Variants in NKAIN2 observed in about 807,000 individuals in gnomAD.
NKAIN2 encodes sodium/potassium-transporting ATPase subunit beta-1-interacting protein 2.
A neutral mutation model predicts 32.6 loss-of-function variants in NKAIN2; 14 were observed. That is an observed-to-expected ratio of 0.43 (90% CI 0.28 to 0.67). NKAIN2 has a LOEUF of 0.67. NKAIN2 is among the 30% of genes least tolerant of loss of function. NKAIN2 has a pLI of 0.17. For missense variants in NKAIN2, 198 were observed against 258.3 expected, an observed-to-expected ratio of 0.77 and a Z score of 1.60; for synonymous variants, 80 against 87.2, an observed-to-expected ratio of 0.92 and a Z score of 0.46.
At chr6:123,851,398 C>T (rs905722265) in intron 1 of NKAIN2, among the ~76,000 whole-genome samples, 9 of 151,666 alleles carry the variant, frequency 5.9e-5, no homozygotes, top group Non-Finnish European at 8.8e-5. Flanking sequence ...TACAGGCATG[C>T]GCCACCATGC....
At chr6:124,125,209 T>C (rs974649199) in intron 1 of NKAIN2, among the ~76,000 whole-genome samples, 5 of 152,176 alleles carry the variant, frequency 3.3e-5, no homozygotes, top group Non-Finnish European at 2.9e-5. Flanking sequence ...TACAATAGCT[T>C]TTCAGGATTC....
rs1053229232 is a variant in NKAIN2 at position 124,350,095 on chromosome 6, A to G, written c.193-5172A>G. On this transcript the variant is annotated intron_variant, in intron 2 of 6. Coordinates refer to ENST00000368417, the MANE Select transcript of NKAIN2 (RefSeq NM_001040214.3). ...ATTAGTTTTATAGCAGAAAACTACA[A>G]GTTAGGTGGTATCTAGCAATTGTGA... is the stretch of plus-strand genomic sequence containing the variant. Among the ~76,000 whole-genome samples, 3 of 152,214 alleles carry G rather than the reference A, an allele frequency of 2.0e-5. No homozygotes were observed. In the South Asian group the frequency reaches 6.2e-4, roughly 31 times the overall value.
At chr6:124,528,141 T>C (rs1247174686) in intron 3 of NKAIN2, among the ~76,000 whole-genome samples, 1 of 152,164 alleles carries the variant, frequency 6.6e-6, no homozygotes, top group African/African-American at 2.4e-5. Context: ...GTGGGATCCA[T>C]TTAAGAGGCT....
chr6:124,505,083 A>G (rs1006836321), intron 3 of NKAIN2, among the ~76,000 whole-genome samples: 11 of 152,228 alleles, frequency 7.2e-5, no homozygotes, highest in Non-Finnish European at 1.6e-4. Flanking sequence ...CCTAAACCCT[A>G]TCATTACATA....
chr6:124,045,234 C>T (rs1237215669), intron 1 of NKAIN2, among the ~76,000 whole-genome samples: 2 of 151,830 alleles, frequency 1.3e-5, no homozygotes, highest in Non-Finnish European at 2.9e-5. Context: ...AACTACTGGT[C>T]TGCAAGATTT....
chr6:124,407,637 C>A lies in NKAIN2; in HGVS notation c.273+52290C>A, dbSNP rs1281373949. Among the ~76,000 whole-genome samples the A allele has an allele frequency of 1.3e-4, 19 of 151,892 alleles. No individual in the cohort carries two copies. The South Asian group carries it at 1.3e-3, about 10-fold the overall frequency. On this transcript the variant is annotated intron_variant, in intron 3 of 6. Coordinates refer to ENST00000368417, the MANE Select transcript of NKAIN2 (RefSeq NM_001040214.3). Reference sequence around the variant, plus strand: ...TGGTTCCAAGTCTTTGCTATTGTGACTAGTGCCGCAATAAACATACGTGTG... The same window carrying A: ...TGGTTCCAAGTCTTTGCTATTGTGAATAGTGCCGCAATAAACATACGTGTG...
chr6:124,758,358 G>A (rs563410564), intron 4 of NKAIN2, among the ~76,000 whole-genome samples: 65 of 152,248 alleles, frequency 4.3e-4, no homozygotes, highest in African/African-American at 1.6e-3. Context: ...ATTTTAGAAA[G>A]CTCTCTTGCC....
At chr6:123,907,504 A>G (rs181600023) in intron 1 of NKAIN2, among the ~76,000 whole-genome samples, 2 of 152,318 alleles carry the variant, frequency 1.3e-5, no homozygotes. Context: ...CCAGATTATT[A>G]TGTAAATATA....
rs142020230 is a variant in NKAIN2, at chr6:124,620,303, T to G, written c.274-37883T>G. On this transcript the variant is annotated intron_variant, in intron 3 of 6. Coordinates refer to ENST00000368417, the MANE Select transcript of NKAIN2 (RefSeq NM_001040214.3). ...TCCAAAAATTCTAACATACTTGTATTTTTATTTTGGTTTACAAACCTCATC... is the reference window on the plus strand; with the variant it reads ...TCCAAAAATTCTAACATACTTGTATGTTTATTTTGGTTTACAAACCTCATC... Among the ~76,000 whole-genome samples the G allele has an allele frequency of 2.6e-5, 4 of 152,324 alleles. No individual in the cohort carries two copies. The East Asian group carries it at 7.7e-4, about 29-fold the overall frequency.
intron 3 of NKAIN2, among the ~76,000 whole-genome samples, chr6:124,441,560 A>G (rs987310274): frequency 2.0e-5 from 3 of 152,058 alleles, no homozygotes; most frequent in African/African-American, 4.8e-5. Context: ...AAAGGTCCAC[A>G]TGGAGGAGTT....
At chr6:124,808,843 C>A (rs370282048) in intron 5 of NKAIN2, among the ~76,000 whole-genome samples, 1 of 151,902 alleles carries the variant, frequency 6.6e-6, no homozygotes, top group Non-Finnish European at 1.5e-5. Context: ...CAATAACAGA[C>A]AAACAGAGAG....
chr6:123,808,918 G>T (rs1773337289), intron 1 of NKAIN2, among the ~76,000 whole-genome samples: 1 of 152,090 alleles, frequency 6.6e-6, no homozygotes, highest in South Asian at 2.1e-4. Flanking sequence ...GTGCTTGAGA[G>T]AAATAAAATC....
At chr6:123,944,936 A>G (rs1030479139) in intron 1 of NKAIN2, among the ~76,000 whole-genome samples, 4 of 152,076 alleles carry the variant, frequency 2.6e-5, no homozygotes, top group Non-Finnish European at 5.9e-5. Context: ...TTTAGAAACC[A>G]TCACGTTACC....
At chr6:124,341,214 T>A (rs529619639) in intron 2 of NKAIN2, among the ~76,000 whole-genome samples, 51 of 152,150 alleles carry the variant, frequency 3.4e-4, no homozygotes, top group African/African-American at 1.2e-3. Context: ...AGCAAGAAAA[T>A]GACAAAAAGC....
intron 3 of NKAIN2, among the ~76,000 whole-genome samples, chr6:124,579,940 T>C (rs1341640221): frequency 6.6e-6 from 1 of 152,168 alleles, no homozygotes; most frequent in African/African-American, 2.4e-5. Flanking sequence ...TTTAAAGTGC[T>C]GAAGGAAAAA....
intron 1 of NKAIN2, among the ~76,000 whole-genome samples, chr6:124,158,858 T>C (rs1274110179): frequency 6.6e-6 from 1 of 152,184 alleles, no homozygotes; most frequent in Non-Finnish European, 1.5e-5. Context: ...ATAGTAAGTA[T>C]CCAACACATG....
At chr6:124,504,801 C>T (rs561333458) in intron 3 of NKAIN2, among the ~76,000 whole-genome samples, 37 of 152,206 alleles carry the variant, frequency 2.4e-4, no homozygotes, top group Middle Eastern at 6.8e-3. Flanking sequence ...ATATTTTTTG[C>T]TCAGATTTTA....
chr6:124,271,477 A>T (rs534366695), intron 1 of NKAIN2, among the ~76,000 whole-genome samples: 2 of 152,254 alleles, frequency 1.3e-5, no homozygotes, highest in South Asian at 4.1e-4. Context: ...TGGCCTCCCA[A>T]ACTGCTGGGA....
intron 1 of NKAIN2, among the ~76,000 whole-genome samples, chr6:124,037,483 T>C (rs1209573359): frequency 6.6e-6 from 1 of 152,102 alleles, no homozygotes; most frequent in African/African-American, 2.4e-5. Context: ...AGTTATTGGT[T>C]CCTGAAAAAC....
Sources: gnomAD v4.1 joint callset for allele counts (sites outside exome capture counted in the v4.1 genomes callset) on GRCh38, gnomAD v4.1.1 for gene constraint, MANE v1.5 for transcripts, NCBI Gene and HGNC (gene_info 2026-07-23, HGNC 2026-07-21) for gene names.